The following TOM1L2 variants were observed in gnomAD, a reference collection of about 807,000 sequenced individuals.
The protein encoded by TOM1L2 is TOM1-like protein 2.
In TOM1L2, 31 loss-of-function variants were observed where a neutral mutation model predicts 67.9. The observed-to-expected ratio is 0.46, with a 90% CI of 0.34 to 0.62. The LOEUF is 0.62. Among genes scored for constraint, TOM1L2 ranks in the 20% least tolerant of loss-of-function variants. The pLI, the probability that TOM1L2 is intolerant of heterozygous loss-of-function variation, is 0.01. For missense variants in TOM1L2, 606 were observed against 663.5 expected (o/e 0.91, Z 0.95); for synonymous variants, 256 against 254.0 (o/e 1.01, Z -0.07).
Position 17,866,430 on chromosome 17 carries a change from A to G in TOM1L2, c.961-11T>C, listed in dbSNP as rs768864554. On this transcript the variant is annotated splice_polypyrimidine_tract_variant and intron_variant, in intron 9 of 14. Transcript: ENST00000379504. ...TACTTCATTCAGTACCTGTCAGAACATGAGATTGGCCATAAGCCCCAGAAC... is the reference window on the plus strand; with the variant it reads ...TACTTCATTCAGTACCTGTCAGAACGTGAGATTGGCCATAAGCCCCAGAAC... The G allele has an allele frequency of 1.9e-6, 3 of 1,586,764 alleles. No individual in the cohort carries two copies. Among genetic ancestry groups the G allele is most frequent in the Admixed American group, 3.5e-5 (2 of 56,592 alleles).
intron 1 of TOM1L2, among the ~76,000 whole-genome samples, chr17:17,967,030 G>T (rs1226329927): frequency 6.6e-6 from 1 of 152,146 alleles, no homozygotes; most frequent in Non-Finnish European, 1.5e-5. Context: ...GATTGTGTGA[G>T]TCAGTACTCC....
intron 3 of TOM1L2, among the ~76,000 whole-genome samples, chr17:17,896,147 T>C (rs898420818): frequency 6.6e-6 from 1 of 152,058 alleles, no homozygotes; most frequent in Non-Finnish European, 1.5e-5. Flanking sequence ...TAGTGATCCA[T>C]GGGGGCACTG....
chr17:17,860,398 G>C (rs2036489427), intron 12 of TOM1L2, among the ~76,000 whole-genome samples: 1 of 152,340 alleles, frequency 6.6e-6, no homozygotes, highest in Non-Finnish European at 1.5e-5. Flanking sequence ...GCGCCCTCTG[G>C]TGACCAGTGC....
At chr17:17,859,816 AGCTGCAGTGAGCCAAGATC>A (rs1464685412) in intron 12 of TOM1L2, 2 of 152,250 alleles carry the variant, frequency 1.3e-5, no homozygotes, top group African/African-American at 4.8e-5. Context: ...GGGAGAGGAA[AGCTGCAGTGAGCCAAGATC>A]GCGCCACTGC....
At chr17:17,971,895 G>A (rs1039457663) in intron 1 of TOM1L2, among the ~76,000 whole-genome samples, 1 of 152,184 alleles carries the variant, frequency 6.6e-6, no homozygotes, top group Non-Finnish European at 1.5e-5. Context: ...GGAGGCCCGA[G>A]GACACAGATG....
In TOM1L2 at chr17:17,944,174, G is replaced by A. The variant is rs1027362455; in HGVS notation, c.52+28088C>T. On this transcript the variant is annotated intron_variant, in intron 1 of 14. Transcript: ENST00000379504. Reference sequence around the variant, plus strand: ...ACATAAATAATGCAGCCCCCGGATAGGCAGGCAGGGGTTGTGCAAGCCATC... The same window carrying A: ...ACATAAATAATGCAGCCCCCGGATAAGCAGGCAGGGGTTGTGCAAGCCATC... 2.0e-5 allele frequency among the ~76,000 whole-genome samples: 3 copies of A among 152,230 alleles called. No individual in the cohort carries two copies. In the East Asian group the frequency reaches 5.8e-4, roughly 29 times the overall value.
intron 1 of TOM1L2, among the ~76,000 whole-genome samples, chr17:17,910,682 G>A (rs1036779270): frequency 5.3e-5 from 8 of 152,046 alleles, no homozygotes; most frequent in African/African-American, 1.9e-4. Flanking sequence ...CAATTCTCCT[G>A]TCTCAGCCTC....
At chr17:17,894,826 G>A (rs1194814145) in intron 3 of TOM1L2, among the ~76,000 whole-genome samples, 1 of 152,188 alleles carries the variant, frequency 6.6e-6, no homozygotes, top group East Asian at 1.9e-4. Flanking sequence ...AGCTACTTGG[G>A]AGGCTGAGGC....
At chr17:17,881,487 T>C (rs2037720427) in intron 6 of TOM1L2, among the ~76,000 whole-genome samples, 1 of 152,190 alleles carries the variant, frequency 6.6e-6, no homozygotes, top group Non-Finnish European at 1.5e-5. Context: ...GCTCAGTAAC[T>C]GTCCAACTTC....
chr17:17,925,164 C>A (rs1191725362), intron 1 of TOM1L2, among the ~76,000 whole-genome samples: 1 of 152,144 alleles, frequency 6.6e-6, no homozygotes, highest in Non-Finnish European at 1.5e-5. Flanking sequence ...GCCTGCAAAA[C>A]CATGAGCCAA....
At chr17:17,869,295 A>T (rs1157924433) in intron 8 of TOM1L2, 45 bp downstream of exon 8, 1 of 1,596,130 alleles carries the variant, frequency 6.3e-7, no homozygotes, top group East Asian at 2.2e-5. Context: ...TTATGGCAAC[A>T]ATCTTTTCAA....
intron 1 of TOM1L2, among the ~76,000 whole-genome samples, chr17:17,951,969 A>C (rs1364916998): frequency 1.3e-5 from 2 of 152,220 alleles, no homozygotes; most frequent in Admixed American, 1.3e-4. Flanking sequence ...CTCCATCAAA[A>C]TTTCCAATAC....
At chr17:17,943,702 T>C (rs1422125952) in intron 1 of TOM1L2, among the ~76,000 whole-genome samples, 3 of 152,190 alleles carry the variant, frequency 2.0e-5, no homozygotes, top group Admixed American at 6.5e-5. Context: ...ACAGAAAATC[T>C]GATCTCATCT....
At chr17:17,869,767 G>A (rs1486322621) in intron 7 of TOM1L2, 8 of 974,564 alleles carry the variant, frequency 8.2e-6, no homozygotes, top group Non-Finnish European at 8.9e-6. Flanking sequence ...ATTCTTTCCA[G>A]ATTGCTTTTT....
At chr17:17,968,370 A>C (rs1282784305) in intron 1 of TOM1L2, among the ~76,000 whole-genome samples, 1 of 152,210 alleles carries the variant, frequency 6.6e-6, no homozygotes, top group Non-Finnish European at 1.5e-5. Flanking sequence ...AGTCAGTTAA[A>C]GAACGTAGTC....
intron 1 of TOM1L2, among the ~76,000 whole-genome samples, chr17:17,969,109 C>T (rs1161231943): frequency 1.3e-5 from 2 of 149,754 alleles, no homozygotes; most frequent in Non-Finnish European, 3.0e-5. Context: ...CAGGCTGGAG[C>T]GCGGTGGCAC....
chr17:17,906,651 A>C (rs1016598936), intron 2 of TOM1L2, among the ~76,000 whole-genome samples: 10 of 152,200 alleles, frequency 6.6e-5, no homozygotes, highest in South Asian at 2.1e-4. Context: ...GGCACAAGGT[A>C]GTCATTCGAG....
At chr17:17,890,344 C>G (rs1419240091) in intron 4 of TOM1L2, among the ~76,000 whole-genome samples, 1 of 152,122 alleles carries the variant, frequency 6.6e-6, no homozygotes, top group Non-Finnish European at 1.5e-5. Flanking sequence ...GAGGTGGATA[C>G]ATATGAAATT....
intron 4 of TOM1L2, among the ~76,000 whole-genome samples, chr17:17,890,729 G>A (rs1038475039): frequency 2.6e-5 from 4 of 152,308 alleles, no homozygotes; most frequent in Middle Eastern, 3.4e-3. Flanking sequence ...CCGGAAGGTG[G>A]GAGGTTTTGG....
Sources: allele counts gnomAD v4.1 joint callset (sites outside exome capture counted in the v4.1 genomes callset), GRCh38; gene constraint gnomAD v4.1.1; transcripts MANE v1.5; gene names NCBI Gene and HGNC (gene_info 2026-07-23, HGNC 2026-07-21).